The following FOXK2 variants were observed in gnomAD, a reference collection of about 807,000 sequenced individuals.
FOXK2 encodes forkhead box protein K2.
Under a neutral mutation model 53.3 loss-of-function variants are expected in FOXK2, and 24 were observed. The observed-to-expected ratio is 0.45, with a 90% CI of 0.33 to 0.63. The LOEUF is 0.63. FOXK2 is among the 30% of genes least tolerant of loss of function. The probability of loss-of-function intolerance (pLI) is 0.03; values close to 1 mark genes in which losing one functional copy is unlikely to be tolerated. For synonymous variants in FOXK2, 505 were observed against 407.1 expected (o/e 1.24, Z -2.89); for missense variants, 952 against 910.5 (o/e 1.05, Z -0.59).
At chr17:82,524,826 T>TGTGGCTGGC (rs1277643018) in intron 1 of FOXK2, among the ~76,000 whole-genome samples, 1 of 152,158 alleles carries the variant, frequency 6.6e-6, no homozygotes, top group East Asian at 1.9e-4. Context: ...GCCTCCCACG[T>TGTGGCTGGC]GTGGCTGGCC....
intron 2 of FOXK2, 121 bp from the exon 3 acceptor site, chr17:82,567,933 T>A: frequency 3.6e-6 from 1 of 276,374 alleles, no homozygotes; most frequent in Non-Finnish European, 5.7e-6. Flanking sequence ...TTCCTTTTTT[T>A]TTTTTTTTTT....
At chr17:82,553,768 C>G (rs1306892335) in intron 1 of FOXK2, among the ~76,000 whole-genome samples, 2 of 152,292 alleles carry the variant, frequency 1.3e-5, no homozygotes, top group East Asian at 1.9e-4. Context: ...GGAGATTGTC[C>G]CAGACGGACG....
chr17:82,549,488 C>A (rs1161753602), intron 1 of FOXK2, among the ~76,000 whole-genome samples: 2 of 151,590 alleles, frequency 1.3e-5, no homozygotes, highest in Non-Finnish European at 2.9e-5. Flanking sequence ...ATTACAGTTA[C>A]AGTGCAGCAA....
Position 82,587,051 on chromosome 17 carries a change from CT to C in FOXK2, c.1577-9del, listed in dbSNP as rs568155712. On this transcript the variant is annotated splice_polypyrimidine_tract_variant and intron_variant, in intron 7 of 8. Transcript: ENST00000335255. Reference sequence around the variant, plus strand: ...AGTAATATTAATGTCGTTTCTTTTCCTTTAATTTCAGTGAAAGTAGAGCCTA... The same window carrying C: ...AGTAATATTAATGTCGTTTCTTTTCCTTAATTTCAGTGAAAGTAGAGCCTA... 273 of 1,610,798 alleles carry C rather than the reference CT, an allele frequency of 1.7e-4. No individual in the cohort carries two copies. In the African/African-American group the frequency reaches 3.3e-3, roughly 20 times the overall value.
At chr17:82,589,426 A>G (rs530531412) in intron 8 of FOXK2, among the ~76,000 whole-genome samples, 7 of 152,402 alleles carry the variant, frequency 4.6e-5, no homozygotes, top group African/African-American at 1.2e-4. Flanking sequence ...AAGTTTGTCT[A>G]TGAGTAACAA....
chr17:82,571,990 C>A, intron 4 of FOXK2, 120 bp downstream of exon 4: 4 of 977,098 alleles, frequency 4.1e-6, no homozygotes, highest in Non-Finnish European at 5.6e-6. Flanking sequence ...TGGAGCCTCC[C>A]GTGCTGAGAG....
At chr17:82,587,618 C>G in intron 8 of FOXK2, 1 of 371,174 alleles carries the variant, frequency 2.7e-6, no homozygotes, top group Non-Finnish European at 5.2e-6. Flanking sequence ...GCCCTGTGGC[C>G]TGTGGCGGTG....
chr17:82,575,621 C>T (rs1249671279), intron 4 of FOXK2, among the ~76,000 whole-genome samples: 1 of 152,200 alleles, frequency 6.6e-6, no homozygotes, highest in Non-Finnish European at 1.5e-5. Context: ...AAGACAGCGA[C>T]ACAAGGACTG....
chr17:82,546,710 C>T (rs1392177851), intron 1 of FOXK2, among the ~76,000 whole-genome samples: 1 of 152,058 alleles, frequency 6.6e-6, no homozygotes, highest in African/African-American at 2.4e-5. Flanking sequence ...TCAAGTGTTC[C>T]TCCCACCTCA....
At chr17:82,527,137 C>T (rs1299244240) in intron 1 of FOXK2, among the ~76,000 whole-genome samples, 1 of 152,096 alleles carries the variant, frequency 6.6e-6, no homozygotes, top group African/African-American at 2.4e-5. Context: ...AAGGGATGTT[C>T]ATAGCAGAGG....
intron 1 of FOXK2, among the ~76,000 whole-genome samples, chr17:82,527,429 G>T (rs1040061233): frequency 2.0e-5 from 3 of 152,134 alleles, no homozygotes; most frequent in African/African-American, 7.2e-5. Flanking sequence ...AGGAGTTCGA[G>T]ATCAGCCTGG....
chr17:82,565,148 T>C (rs774834331), intron 2 of FOXK2, among the ~76,000 whole-genome samples: 1 of 152,162 alleles, frequency 6.6e-6, no homozygotes, highest in African/African-American at 2.4e-5. Context: ...TGGGCCCTTA[T>C]CTTATACCGT....
In FOXK2 at chr17:82,527,226, C is replaced by T. The variant is rs138625291; in HGVS notation, c.419+6919C>T. On this transcript the variant is annotated intron_variant, in intron 1 of 8. Transcript: ENST00000335255. ...TAATAACTACTCTGTATTTAAGCTC[C>T]GCCTCCTGGGTTCAAGCGATTCTCC... Among the ~76,000 whole-genome samples the T allele has an allele frequency of 1.1e-4, 16 of 152,168 alleles. No individual in the cohort carries two copies. In the East Asian group the frequency reaches 2.3e-3, roughly 22 times the overall value.
At chr17:82,577,242 A>C (rs1165807961) in intron 4 of FOXK2, 1 of 1,267,904 alleles carries the variant, frequency 7.9e-7, no homozygotes, top group Non-Finnish European at 1.1e-6. Context: ...GTGTCTTCAA[A>C]CTCCAGGTAG....
chr17:82,587,555 A>G, intron 8 of FOXK2: 1 of 453,346 alleles, frequency 2.2e-6, no homozygotes, highest in South Asian at 2.2e-5. Context: ...TGTGGCCTGG[A>G]AGCGGCCTGA....
intron 1 of FOXK2, among the ~76,000 whole-genome samples, chr17:82,531,570 G>T (rs545546992): frequency 9.9e-5 from 15 of 152,202 alleles, no homozygotes; most frequent in Non-Finnish European, 1.5e-4. Flanking sequence ...TGTATATCCT[G>T]TTGCGCCTAC....
Position 82,587,076 on chromosome 17 carries a change from T to C in FOXK2, c.1590T>C (p.Pro530=), listed in dbSNP as rs764199231. ...DHREVKVKVE[P]IPAIGHATLG... is the part of the protein sequence containing the mutation. Reference sequence around the variant, plus strand: ...CTTTAATTTCAGTGAAAGTAGAGCCTATTCCCGCCATTGGCCACGCCACGC... The same window carrying C: ...CTTTAATTTCAGTGAAAGTAGAGCCCATTCCCGCCATTGGCCACGCCACGC... Residue 530 remains proline (P), a synonymous_variant, in exon 8 of 9, where the codon CCT becomes CCC. Transcript: ENST00000335255. 9.3e-6 allele frequency: 15 copies of C among 1,609,366 alleles called. No individual in the cohort carries two copies. In the South Asian group the frequency reaches 1.3e-4, roughly 14 times the overall value.
intron 1 of FOXK2, among the ~76,000 whole-genome samples, chr17:82,549,421 T>TGG (rs2144088770): frequency 6.7e-6 from 1 of 148,988 alleles, no homozygotes; most frequent in East Asian, 2.0e-4. Flanking sequence ...TTCTCCTTAT[T>TGG]ACAGTTACAG....
In FOXK2 at chr17:82,587,085, C is replaced by G. The variant is rs951439667; in HGVS notation, c.1599C>G (p.Ala533=). 1.2e-6 allele frequency: 2 copies of G among 1,612,856 alleles called. No individual in the cohort carries two copies. The highest frequency in any genetic ancestry group is 1.7e-6 in the Non-Finnish European group (2 of 1,180,008). Residue 533 remains alanine (A), a synonymous_variant, in exon 8 of 9, where the codon GCC becomes GCG. Coordinates refer to ENST00000335255, the MANE Select transcript of FOXK2 (RefSeq NM_004514.4). The part of the protein sequence containing the change: ...EVKVKVEPIP[A]IGHATLGTAS... ...CAGTGAAAGTAGAGCCTATTCCCGC[C>G]ATTGGCCACGCCACGCTCGGCACTG...
Sources: gnomAD v4.1 joint callset for allele counts (sites outside exome capture counted in the v4.1 genomes callset) on GRCh38, gnomAD v4.1.1 for gene constraint, MANE v1.5 for transcripts, NCBI Gene and HGNC (gene_info 2026-07-23, HGNC 2026-07-21) for gene names.